Variants in RFX3 observed in about 807,000 individuals in gnomAD.
RFX3 encodes regulatory factor X3.
A neutral mutation model predicts 98.6 loss-of-function variants in RFX3; 14 were observed. The observed-to-expected ratio is 0.14, with a 90% confidence interval of 0.09 to 0.22. The LOEUF is 0.22. Ranked by LOEUF, RFX3 falls within the 10% of genes least tolerant of loss-of-function variation. RFX3 has a pLI of 1.00. For synonymous variants in RFX3, 383 were observed against 328.4 expected (o/e 1.17, Z -1.80); for missense variants, 639 against 926.9 (o/e 0.69, Z 4.03).
At chr9:3,431,463 AAAAAG>A (rs1844650142) in intron 1 of RFX3, among the ~76,000 whole-genome samples, 1 of 152,242 alleles carries the variant, frequency 6.6e-6, no homozygotes, top group Non-Finnish European at 1.5e-5. Flanking sequence ...ATGATTTAAA[AAAAAG>A]AAAAGAAAAT....
chr9:3,317,099 T>A (rs144563586), intron 4 of RFX3, among the ~76,000 whole-genome samples: 2 of 152,092 alleles, frequency 1.3e-5, no homozygotes, highest in African/African-American at 4.8e-5. Context: ...GGAGGCATCA[T>A]GCTACCTGAC....
chr9:3,427,687 G>T (rs560537570), intron 1 of RFX3, among the ~76,000 whole-genome samples: 8 of 151,910 alleles, frequency 5.3e-5, no homozygotes, highest in African/African-American at 1.7e-4. Context: ...TCTTTTGGCA[G>T]AATTAAACTT....
intron 11 of RFX3, among the ~76,000 whole-genome samples, chr9:3,270,038 G>A (rs548238342): frequency 5.8e-5 from 8 of 137,900 alleles, no homozygotes; most frequent in Non-Finnish European, 1.2e-4. Flanking sequence ...CTACAGGTTG[G>A]CTTTTCTATC....
At chr9:3,303,229 AAATGT>A (rs1434756454) in intron 4 of RFX3, among the ~76,000 whole-genome samples, 1 of 151,932 alleles carries the variant, frequency 6.6e-6, no homozygotes, top group Non-Finnish European at 1.5e-5. Flanking sequence ...AGAGTAATGT[AAATGT>A]AATGAATGAA....
rs369878606 is a variant in RFX3 at position 3,479,493 on chromosome 9, C to T, written c.-9+46254G>A. On this transcript the variant is annotated intron_variant, in intron 1 of 16. Transcript: ENST00000617270. ...TATGAAAAAAATCTGTATTTCAGTA[C>T]TTAAATGAGAGTGAAACAGATCTGT... 1.6e-4 allele frequency among the ~76,000 whole-genome samples: 25 copies of T among 152,172 alleles called. No homozygotes were observed. In the East Asian group the frequency reaches 3.1e-3, roughly 19 times the overall value.
rs531192871 is a variant in RFX3, at chr9:3,472,107, T to C, written c.-9+53640A>G. ...AAAAATAAAATATAATCTTAGGCCA[T>C]CTGGTTCTGTAACGCACTGTATTTG... On this transcript the variant is annotated intron_variant, in intron 1 of 16. Transcript: ENST00000617270. Among the ~76,000 whole-genome samples, 16 of 152,342 alleles carry C rather than the reference T, an allele frequency of 1.1e-4. No individual in the cohort carries two copies. In the East Asian group the frequency reaches 3.1e-3, roughly 29 times the overall value.
intron 5 of RFX3, among the ~76,000 whole-genome samples, 191 bp from the exon 6 acceptor site, chr9:3,293,449 C>T (rs939939729): frequency 6.6e-6 from 1 of 152,164 alleles, no homozygotes; most frequent in Admixed American, 6.6e-5. Flanking sequence ...AATAGCTGAA[C>T]ATCACTAAGG....
intron 8 of RFX3, 102 bp downstream of exon 8, chr9:3,277,237 AT>A: frequency 1.6e-6 from 2 of 1,256,104 alleles, no homozygotes; most frequent in South Asian, 1.4e-5. Flanking sequence ...ACCAAAAAAA[AT>A]CTTTCTATGT....
intron 3 of RFX3, among the ~76,000 whole-genome samples, chr9:3,333,333 A>G (rs1832805549): frequency 6.6e-6 from 1 of 152,164 alleles, no homozygotes; most frequent in Admixed American, 6.5e-5. Flanking sequence ...GTGTTCTGAA[A>G]GTATTCCACA....
chr9:3,300,017 T>C (rs1221700841), intron 5 of RFX3, among the ~76,000 whole-genome samples: 2 of 151,556 alleles, frequency 1.3e-5, no homozygotes, highest in African/African-American at 2.4e-5. Context: ...GTTTTTTTTT[T>C]TCTTATGTCC....
intron 1 of RFX3, among the ~76,000 whole-genome samples, chr9:3,439,186 G>A (rs1031908274): frequency 1.3e-5 from 2 of 151,542 alleles, no homozygotes; most frequent in Non-Finnish European, 3.0e-5. Context: ...TACTTATAGG[G>A]AAATTTATAC....
intron 7 of RFX3, among the ~76,000 whole-genome samples, chr9:3,285,606 T>C (rs147862312): frequency 2.4e-3 from 369 of 151,726 alleles, no homozygotes; most frequent in Non-Finnish European, 3.5e-3. Flanking sequence ...GCCCATGCAA[T>C]TGGCAACAGT....
intron 5 of RFX3, among the ~76,000 whole-genome samples, 175 bp downstream of exon 5, chr9:3,301,371 T>C (rs1828639592): frequency 6.6e-6 from 1 of 151,828 alleles, no homozygotes; most frequent in African/African-American, 2.4e-5. Flanking sequence ...GACTCTATTT[T>C]TTGGATATTT....
At chr9:3,434,123 A>C (rs1234111040) in intron 1 of RFX3, among the ~76,000 whole-genome samples, 2 of 152,152 alleles carry the variant, frequency 1.3e-5, no homozygotes, top group Non-Finnish European at 2.9e-5. Flanking sequence ...GACTGACGAT[A>C]CTATTCAGAG....
chr9:3,291,897 A>G (rs138626971), intron 6 of RFX3, among the ~76,000 whole-genome samples: 1 of 151,858 alleles, frequency 6.6e-6, no homozygotes, highest in South Asian at 2.1e-4. Flanking sequence ...TCTCTACTAA[A>G]AATACAATAA....
chr9:3,453,069 C>G (rs768259729), intron 1 of RFX3, among the ~76,000 whole-genome samples: 3 of 152,114 alleles, frequency 2.0e-5, no homozygotes, highest in African/African-American at 4.8e-5. Context: ...AATAACAGTA[C>G]GCACATCCCG....
intron 1 of RFX3, among the ~76,000 whole-genome samples, chr9:3,445,987 C>A (rs1360975101): frequency 6.6e-6 from 1 of 152,016 alleles, no homozygotes; most frequent in African/African-American, 2.4e-5. Flanking sequence ...ACATGTACAC[C>A]ACTCTATTCA....
chr9:3,488,890 T>C, intron 1 of RFX3: 22 of 985,010 alleles, frequency 2.2e-5, no homozygotes, highest in Non-Finnish European at 2.7e-5. Flanking sequence ...GTATCCTCCA[T>C]GGCTGCTAAA....
At chr9:3,425,948 G>C (rs771580475) in intron 1 of RFX3, among the ~76,000 whole-genome samples, 30 of 152,114 alleles carry the variant, frequency 2.0e-4, no homozygotes, top group Admixed American at 7.9e-4. Flanking sequence ...ATTAGTTATT[G>C]TTCTTTTCAG....
Sources: gnomAD v4.1 joint callset for allele counts (sites outside exome capture counted in the v4.1 genomes callset) on GRCh38, gnomAD v4.1.1 for gene constraint, MANE v1.5 for transcripts, NCBI Gene and HGNC (gene_info 2026-07-23, HGNC 2026-07-21) for gene names.